The following KCNK2 variants were observed in gnomAD, a reference collection of about 807,000 sequenced individuals.
The protein encoded by KCNK2 is potassium two pore domain channel subfamily K member 2.
In KCNK2, 21 loss-of-function variants were observed where a neutral mutation model predicts 40.5. The observed-to-expected ratio is 0.52, with a 90% CI of 0.37 to 0.75. KCNK2 has a LOEUF of 0.75. KCNK2 is among the 30% of genes least tolerant of loss of function. KCNK2 has a pLI of 0.00. For synonymous variants in KCNK2, 191 were observed against 202.2 expected, an observed-to-expected ratio of 0.94 and a Z score of 0.47; for missense variants, 399 against 531.6, an observed-to-expected ratio of 0.75 and a Z score of 2.45.
At chr1:215,007,107 ATGTGTG>A (rs1321333344) in intron 1 of KCNK2, among the ~76,000 whole-genome samples, 6 of 129,726 alleles carry the variant, frequency 4.6e-5, no homozygotes, top group African/African-American at 1.8e-4. Context: ...ATGTATATAT[ATGTGTG>A]TATATATGTA....
rs1301153371 is a variant in KCNK2 at position 215,124,679 on chromosome 1, C to A, written c.404C>A (p.Thr135Asn). The A allele has an allele frequency of 3.1e-6, 5 of 1,613,006 alleles. No homozygotes were observed. In the Admixed American group the frequency reaches 8.3e-5, roughly 27 times the overall value. ...INAGIIPLGN[T>N]SNQISHWDLG... is the part of the protein sequence containing the mutation. ...GCAGGGATTATACCGTTAGGAAACACCTCCAATCAAATCAGTCACTGGGAT... is the reference window on the plus strand; with the variant it reads ...GCAGGGATTATACCGTTAGGAAACAACTCCAATCAAATCAGTCACTGGGAT... Residue 135 changes from threonine (T) to asparagine (N), a missense_variant, in exon 3 of 7, where the codon ACC becomes AAC. Physicochemically the swap from Thr to Asn is moderately conservative, Grantham distance 65. Coordinates refer to ENST00000444842, the MANE Select transcript of KCNK2 (RefSeq NM_001017425.3).
intron 6 of KCNK2, among the ~76,000 whole-genome samples, chr1:215,203,451 T>C (rs1240238377): frequency 6.6e-6 from 1 of 152,160 alleles, no homozygotes; most frequent in Non-Finnish European, 1.5e-5. Flanking sequence ...GCTTACTGAA[T>C]GCTTGTTTCT....
intron 6 of KCNK2, among the ~76,000 whole-genome samples, chr1:215,232,572 G>T (rs1351543441): frequency 3.3e-5 from 5 of 152,160 alleles, no homozygotes; most frequent in Non-Finnish European, 7.3e-5. Flanking sequence ...CCACATACGA[G>T]GTTCTAGGTG....
intron 1 of KCNK2, among the ~76,000 whole-genome samples, chr1:215,037,636 A>T (rs115252844): frequency 0.021 from 3,151 of 152,102 alleles, 97 homozygotes; most frequent in African/African-American, 0.072. Context: ...AGAAATCACC[A>T]GTGAAGTTAC....
At chr1:215,213,588 G>C (rs1391607869) in intron 6 of KCNK2, among the ~76,000 whole-genome samples, 4 of 152,252 alleles carry the variant, frequency 2.6e-5, no homozygotes, top group African/African-American at 9.6e-5. Context: ...TCTGGCCTGG[G>C]TGACAAGAGC....
chr1:215,041,583 G>A (rs939545936), intron 1 of KCNK2, among the ~76,000 whole-genome samples: 1 of 152,182 alleles, frequency 6.6e-6, no homozygotes, highest in Middle Eastern at 3.2e-3. Context: ...TATGTAGTCA[G>A]ATCTTGATAT....
At chr1:215,055,336 A>C (rs1479715077) in intron 1 of KCNK2, among the ~76,000 whole-genome samples, 1 of 152,222 alleles carries the variant, frequency 6.6e-6, no homozygotes. Flanking sequence ...GATATGACAC[A>C]TATCAGTTAT....
In KCNK2 at chr1:215,235,143, T is replaced by G; in HGVS notation, c.1279T>G (p.Ter427GluextTer4). The change falls in exon 7 of 7, where the codon TAG (stop) becomes GAG (glutamate). Residue 427 changes from the stop codon to glutamate (E), a stop_lost. Coordinates refer to ENST00000444842, the MANE Select transcript of KCNK2 (RefSeq NM_001017425.3). Reference sequence around the variant, plus strand: ...GATTGCTGTGATTGAGAACATCAAATAGCCCTCTCTTTAAATAACCTTAGG... The same window carrying G: ...GATTGCTGTGATTGAGAACATCAAAGAGCCCTCTCTTTAAATAACCTTAGG... Reference protein sequence around the residue: ...EEIAVIENIK* With the variant: ...EEIAVIENIKE 1 of 1,592,388 alleles carries G rather than the reference T, an allele frequency of 6.3e-7. No homozygotes were observed. Among genetic ancestry groups the G allele is most frequent in the Non-Finnish European group, 8.6e-7 (1 of 1,162,930 alleles).
intron 1 of KCNK2, among the ~76,000 whole-genome samples, chr1:215,052,172 C>T (rs1041144072): frequency 6.6e-6 from 1 of 151,656 alleles, no homozygotes; most frequent in Non-Finnish European, 1.5e-5. Context: ...TGTAAACACA[C>T]CGAAAATTAA....
At position 215,017,716 on chromosome 1, in the gene KCNK2, A is replaced by G. The variant is rs1481441402; in HGVS notation, c.34+11761A>G. On this transcript the variant is annotated intron_variant, in intron 1 of 6. Transcript: ENST00000391895. Reference sequence around the variant, plus strand: ...TGTATACTTGAAAATTACTAGGAGAATAGATTTTGTGTTCTCACCACAAAA... The same window carrying G: ...TGTATACTTGAAAATTACTAGGAGAGTAGATTTTGTGTTCTCACCACAAAA... 2.0e-5 allele frequency among the ~76,000 whole-genome samples: 3 copies of G among 152,182 alleles called. No homozygotes were observed. In the East Asian group the frequency reaches 5.8e-4, roughly 29 times the overall value.
chr1:215,230,645 T>C (rs1666623292), intron 6 of KCNK2, among the ~76,000 whole-genome samples: 2 of 148,620 alleles, frequency 1.3e-5, no homozygotes, highest in South Asian at 4.2e-4. Context: ...TCCTGTGAAA[T>C]AGGTTATTAG....
At chr1:215,146,431 G>A (rs904609420) in intron 3 of KCNK2, among the ~76,000 whole-genome samples, 14 of 152,112 alleles carry the variant, frequency 9.2e-5, no homozygotes, top group Non-Finnish European at 1.6e-4. Flanking sequence ...ACTAAAAATA[G>A]CAAGGGAGCC....
chr1:215,025,019 TTATAA>T (rs1656954931), intron 1 of KCNK2, among the ~76,000 whole-genome samples: 1 of 151,108 alleles, frequency 6.6e-6, no homozygotes, highest in South Asian at 2.1e-4. Flanking sequence ...GAATTTAGCC[TTATAA>T]TATGTCTTGG....
At chr1:215,176,463 A>G (rs1471210487) in intron 5 of KCNK2, among the ~76,000 whole-genome samples, 1 of 152,072 alleles carries the variant, frequency 6.6e-6, no homozygotes, top group African/African-American at 2.4e-5. Context: ...CCCAGAATCT[A>G]TTAGCTATTC....
intron 1 of KCNK2, among the ~76,000 whole-genome samples, chr1:215,038,075 T>G (rs2841578): frequency 0.85 from 129,367 of 151,870 alleles, 55,381 homozygotes; most frequent in East Asian, 0.99. Flanking sequence ...CTCCTAATCT[T>G]GGGGCAAGAG....
intron 3 of KCNK2, among the ~76,000 whole-genome samples, chr1:215,162,582 T>C (rs890591386): frequency 2.6e-5 from 4 of 152,206 alleles, no homozygotes; most frequent in Non-Finnish European, 5.9e-5. Flanking sequence ...TAATCTATCT[T>C]GAGTTAATTT....
chr1:215,036,912 T>C (rs1657404412), intron 1 of KCNK2, among the ~76,000 whole-genome samples: 1 of 151,876 alleles, frequency 6.6e-6, no homozygotes, highest in Non-Finnish European at 1.5e-5. Context: ...TGTTCTAATA[T>C]TTGCTTTGTA....
chr1:215,192,539 A>G (rs1664709308), intron 5 of KCNK2, among the ~76,000 whole-genome samples: 1 of 152,236 alleles, frequency 6.6e-6, no homozygotes, highest in Non-Finnish European at 1.5e-5. Context: ...TAAATGAGTC[A>G]CAAATATTTG....
intron 2 of KCNK2, among the ~76,000 whole-genome samples, chr1:215,104,719 A>G (rs1192601802): frequency 1.3e-5 from 2 of 152,266 alleles, no homozygotes; most frequent in South Asian, 4.1e-4. Context: ...AATACAAAAC[A>G]TGTTAGTAAA....
Sources: allele counts gnomAD v4.1 joint callset (sites outside exome capture counted in the v4.1 genomes callset), GRCh38; gene constraint gnomAD v4.1.1; transcripts MANE v1.5; gene names NCBI Gene and HGNC (gene_info 2026-07-23, HGNC 2026-07-21).